The following MTX3 variants were observed in gnomAD, a reference collection of about 807,000 sequenced individuals.
MTX3 encodes metaxin-3.
A neutral mutation model predicts 42.5 loss-of-function variants in MTX3; 27 were observed. That is an observed-to-expected ratio of 0.64 (90% CI 0.47 to 0.88). The LOEUF (loss-of-function observed/expected upper bound fraction) is 0.88, where lower values mean the gene tolerates loss of function less well. Ranked by LOEUF, MTX3 falls within the 40% of genes least tolerant of loss-of-function variation. The pLI is 0.00. For synonymous variants in MTX3, 144 were observed against 132.9 expected (o/e 1.08, Z -0.57); for missense variants, 378 against 367.0 (o/e 1.03, Z -0.25).
chr5:79,976,984 G>A lies in MTX3; in HGVS notation c.*6700C>T, dbSNP rs138565491. 105 of 152,386 alleles carry A rather than the reference G, an allele frequency of 6.9e-4. No individual in the cohort carries two copies. The highest frequency in any genetic ancestry group is 2.5e-3 in the African/African-American group (104 of 41,536). The allele number at this position is 152,386 out of a possible 1,614,324, so 9.4% of individuals were successfully genotyped here. A position where few individuals can be genotyped will look rare whatever the true frequency, so the allele number is the denominator to read the frequency against. On this transcript the variant is annotated 3_prime_UTR_variant, in exon 9 of 9. Transcript: ENST00000512528. ...CAACTAGAACAGATGTTTTTAAAAT[G>A]TTTGCCATTCAAAGATAGGCTTGGT...
In MTX3 at chr5:79,988,530, C is replaced by T. The variant is rs1452798607; in HGVS notation, c.436G>A (p.Ala146Thr). The T allele has an allele frequency of 1.2e-6, 2 of 1,612,754 alleles. No homozygotes were observed. Among genetic ancestry groups the T allele is most frequent in the East Asian group, 2.2e-5 (1 of 44,854 alleles). The change falls in exon 5 of 9, where the codon GCA (alanine) becomes ACA (threonine). Residue 146 changes from alanine to threonine, a missense_variant. Physicochemically the swap from Ala to Thr is moderately conservative, Grantham distance 58 (BLOSUM62 0). Transcript: ENST00000512528. ...LILPGRMSKG[A>T]LNRILLTRGQ... ...CTGGTCAGGAGAATCCTATTCAGTGCTCCCTTAGACATTCTTCCAGGCAGG... is the reference window on the plus strand; with the variant it reads ...CTGGTCAGGAGAATCCTATTCAGTGTTCCCTTAGACATTCTTCCAGGCAGG...
intron 3 of MTX3, 75 bp downstream of exon 3, chr5:79,990,083 AAT>A: frequency 2.3e-6 from 2 of 885,288 alleles, no homozygotes; most frequent in Non-Finnish European, 1.7e-6. Flanking sequence ...GGCAAAAAAA[AAT>A]AAATAAATAA....
In MTX3 at chr5:79,979,967, T is replaced by C. The variant is rs1831335604; in HGVS notation, c.*3717A>G. ...ATACATTTAATCTATGAATTTACTT[T>C]AAAACCACTTTTATTTTGAAATACT... On this transcript the variant is annotated 3_prime_UTR_variant, in exon 9 of 9. Transcript: ENST00000512528. 6.6e-6 allele frequency: 1 copy of C among 152,228 alleles called. No individual in the cohort carries two copies. The highest frequency in any genetic ancestry group is 6.5e-5 in the Admixed American group (1 of 15,286). The allele number at this position is 152,228 out of a possible 1,614,324, so 9.4% of individuals were successfully genotyped here.
rs1224109962 is a variant in MTX3, at chr5:79,980,126, T to C, written c.*3558A>G. ...AAGTTTTTGACAGTTGATGAAAAAC[T>C]GTCAAAAAATTGTAACAAGCCTGGT... On this transcript the variant is annotated 3_prime_UTR_variant, in exon 9 of 9. Coordinates refer to ENST00000512528, the MANE Select transcript of MTX3 (RefSeq NM_001363818.2). 6.6e-6 allele frequency: 1 copy of C among 152,166 alleles called. No homozygotes were observed. Among genetic ancestry groups the C allele is most frequent in the South Asian group, 2.1e-4 (1 of 4,830 alleles). 9.4% of individuals were successfully genotyped at this position (152,166 alleles called of 1,614,324 possible). A position where few individuals can be genotyped will look rare whatever the true frequency, so the allele number is the denominator to read the frequency against.
chr5:79,984,181 G>C (rs77045796), intron 8 of MTX3, among the ~76,000 whole-genome samples: 1 of 152,070 alleles, frequency 6.6e-6, no homozygotes, highest in Admixed American at 6.6e-5. Flanking sequence ...TTCCCGATAC[G>C]CTATGAAGAA....
chr5:79,989,211 G>GT lies in MTX3; in HGVS notation c.261dup (p.Gln88ThrfsTer27). 6.2e-7 allele frequency: 1 copy of GT among 1,606,838 alleles called. No individual in the cohort carries two copies. Among genetic ancestry groups the GT allele is most frequent in the Non-Finnish European group, 8.5e-7 (1 of 1,176,426 alleles). On this transcript the variant is annotated frameshift_variant, in exon 4 of 9. Transcript: ENST00000512528. LOFTEE classifies it high-confidence loss of function. ...ATATAAGCCAATGTATCTGCCCCTT[G>GT]TTTTGCTGAGAGTTCATAATCAGCA...
chr5:79,986,978 C>T lies in MTX3; in HGVS notation c.711G>A (p.Leu237=), dbSNP rs1425942487. ...SNLCRFCDDI[L]SSYFRLSLGG... ...CAAGACTAAGCCTAAAATAACTGCT[C>T]AGGATGTCATCACAAAAGCGACAGA... Residue 237 remains leucine, a synonymous_variant, in exon 7 of 9, where the codon CTG becomes CTA. Coordinates refer to ENST00000512528, the MANE Select transcript of MTX3 (RefSeq NM_001363818.2). The T allele has an allele frequency of 1.9e-6, 3 of 1,613,900 alleles. No homozygotes were observed. In the Admixed American group the frequency reaches 5.0e-5, roughly 27 times the overall value.
rs1831391616 is a variant in MTX3, at chr5:79,982,362, G to A, written c.*1322C>T. The A allele has an allele frequency of 2.2e-6, 1 of 456,414 alleles. No homozygotes were observed. The highest frequency in any genetic ancestry group is 1.6e-5 in the South Asian group (1 of 64,500). The allele number at this position is 456,414 out of a possible 1,614,324, so 28.3% of individuals were successfully genotyped here. On this transcript the variant is annotated 3_prime_UTR_variant, in exon 9 of 9. Coordinates refer to ENST00000512528, the MANE Select transcript of MTX3 (RefSeq NM_001363818.2). ...GCTGAGCTCCACTCAGCTCAAATTA[G>A]ATGAGTCTTTTGACTACAAAGCTCA...
Position 79,990,158 on chromosome 5 carries a change from A to C in MTX3, c.228+2T>G. The C allele has an allele frequency of 6.3e-7, 1 of 1,599,496 alleles. No homozygotes were observed. On this transcript the variant is annotated splice_donor_variant, in intron 3 of 8. Coordinates refer to ENST00000512528, the MANE Select transcript of MTX3 (RefSeq NM_001363818.2). LOFTEE classifies it high-confidence loss of function. ...TCTACTTCTTCAAAGTGAACCACCC[A>C]CCTGTTTTCTTAAAAAGTTTAGTAT... is the stretch of plus-strand genomic sequence containing the variant.
In MTX3 at chr5:79,989,138, T is replaced by A. The variant is rs1213335397; in HGVS notation, c.321+14A>T. On this transcript the variant is annotated intron_variant, in intron 4 of 8. Coordinates refer to ENST00000512528, the MANE Select transcript of MTX3 (RefSeq NM_001363818.2). Reference sequence around the variant, plus strand: ...CTAGGCTACTAAAATACTGTAATATTTAAGAACACTCACCACTGCAGGGAG... The same window carrying A: ...CTAGGCTACTAAAATACTGTAATATATAAGAACACTCACCACTGCAGGGAG... 2 of 1,552,130 alleles carry A rather than the reference T, an allele frequency of 1.3e-6. No individual in the cohort carries two copies. Among genetic ancestry groups the A allele is most frequent in the African/African-American group, 2.7e-5 (2 of 72,852 alleles).
intron 6 of MTX3, 81 bp downstream of exon 6, chr5:79,988,158 G>T (rs1831540931): frequency 1.2e-6 from 1 of 804,920 alleles, no homozygotes; most frequent in East Asian, 2.7e-5. Context: ...CTTTTGGGGA[G>T]ATAAGAGGAC....
chr5:79,991,001 G>T, intron 1 of MTX3, 157 bp downstream of exon 1: 1 of 826,764 alleles, frequency 1.2e-6, no homozygotes, highest in Non-Finnish European at 2.0e-6. Context: ...TATCGGCCAG[G>T]TTGGGACTCG....
intron 3 of MTX3, among the ~76,000 whole-genome samples, chr5:79,989,796 G>C (rs963645533): frequency 6.6e-6 from 1 of 152,118 alleles, no homozygotes; most frequent in African/African-American, 2.4e-5. Flanking sequence ...AAATAATATA[G>C]TTGCTAGTTG....
chr5:79,985,487 C>T, intron 8 of MTX3, 84 bp downstream of exon 8: 1 of 854,632 alleles, frequency 1.2e-6, no homozygotes, highest in Non-Finnish European at 1.9e-6. Context: ...TAAAAGGGTA[C>T]AGTTAATGTG....
At chr5:79,987,309 G>T (rs1831517598) in intron 6 of MTX3, among the ~76,000 whole-genome samples, 1 of 151,672 alleles carries the variant, frequency 6.6e-6, no homozygotes, top group Admixed American at 6.6e-5. Flanking sequence ...GCGTGGTGGT[G>T]GGCACCTGTA....
At position 79,982,398 on chromosome 5, in the gene MTX3, A is replaced by G. The variant is rs1159763529; in HGVS notation, c.*1286T>C. 1 of 456,660 alleles carries G rather than the reference A, an allele frequency of 2.2e-6. No individual in the cohort carries two copies. Among genetic ancestry groups the G allele is most frequent in the Non-Finnish European group, 4.4e-6 (1 of 226,928 alleles). The allele number at this position is 456,660 out of a possible 1,614,324, so 28.3% of individuals were successfully genotyped here. A position where few individuals can be genotyped will look rare whatever the true frequency, so the allele number is the denominator to read the frequency against. ...TGACTACAAAGCTCATTTTCTTAAC[A>G]TATGGGTTCCTGCACGACTTGATAA... On this transcript the variant is annotated 3_prime_UTR_variant, in exon 9 of 9. Coordinates refer to ENST00000512528, the MANE Select transcript of MTX3 (RefSeq NM_001363818.2).
intron 3 of MTX3, 101 bp from the exon 4 acceptor site, chr5:79,989,345 C>T: frequency 1.4e-6 from 1 of 697,662 alleles, no homozygotes; most frequent in South Asian, 2.0e-5. Flanking sequence ...TTACAAATAG[C>T]AAACGTGGTA....
Position 79,979,179 on chromosome 5 carries a change from A to G in MTX3, c.*4505T>C, listed in dbSNP as rs1453896595. The G allele has an allele frequency of 1.3e-5, 2 of 152,434 alleles. No homozygotes were observed. Among genetic ancestry groups the G allele is most frequent in the East Asian group, 1.9e-4 (1 of 5,206 alleles). The allele number at this position is 152,434 out of a possible 1,614,324, so 9.4% of individuals were successfully genotyped here. ...CACCCCAACAAGAGTTTGGGAGCCA[A>G]ATTATTTTGCAAACCCTTAAGAACA... On this transcript the variant is annotated 3_prime_UTR_variant, in exon 9 of 9. Coordinates refer to ENST00000512528, the MANE Select transcript of MTX3 (RefSeq NM_001363818.2).
rs763172014 is a variant in MTX3 at position 79,989,249 on chromosome 5, T to TA, written c.229-6dup. Reference sequence around the variant, plus strand: ...TTCATAATCAGCATTATATTTCTATTAAAAAAAAATAAACCAAAGAAACTC... The same window carrying TA: ...TTCATAATCAGCATTATATTTCTATTAAAAAAAAAATAAACCAAAGAAACTC... On this transcript the variant is annotated splice_polypyrimidine_tract_variant and splice_region_variant and intron_variant, in intron 3 of 8. Coordinates refer to ENST00000512528, the MANE Select transcript of MTX3 (RefSeq NM_001363818.2). 408 of 1,517,120 alleles carry TA rather than the reference T, an allele frequency of 2.7e-4. No homozygotes were observed. The highest frequency in any genetic ancestry group is 3.1e-4 in the African/African-American group (22 of 71,176). 94.0% of individuals were successfully genotyped at this position (1,517,120 alleles called of 1,614,324 possible). A position where few individuals can be genotyped will look rare whatever the true frequency, so the allele number is the denominator to read the frequency against.
Sources: allele counts gnomAD v4.1 joint callset (sites outside exome capture counted in the v4.1 genomes callset), GRCh38; gene constraint gnomAD v4.1.1; transcripts MANE v1.5; gene names NCBI Gene and HGNC (gene_info 2026-07-23, HGNC 2026-07-21).